Variants in ANKH observed in about 807,000 individuals in gnomAD.
ANKH encodes ANKH inorganic pyrophosphate transport regulator.
In ANKH, 15 loss-of-function variants were observed where a neutral mutation model predicts 49.0. The observed-to-expected ratio is 0.31, with a 90% CI of 0.20 to 0.47. The LOEUF (loss-of-function observed/expected upper bound fraction) is 0.47, where lower values mean the gene tolerates loss of function less well. Among genes scored for constraint, ANKH ranks in the 20% least tolerant of loss-of-function variants. ANKH has a pLI of 1.00. For missense variants in ANKH, 429 were observed against 652.0 expected (o/e 0.66, Z 3.72); for synonymous variants, 273 against 260.0 (o/e 1.05, Z -0.48).
At chr5:14,824,181 C>T (rs1741275794) in intron 1 of ANKH, among the ~76,000 whole-genome samples, 1 of 151,984 alleles carries the variant, frequency 6.6e-6, no homozygotes, top group African/African-American at 2.4e-5. Context: ...AAAAAATAGT[C>T]TCTGATGAAA....
chr5:14,783,604 G>A (rs115329939), intron 1 of ANKH, among the ~76,000 whole-genome samples: 2,065 of 152,240 alleles, frequency 0.014, 42 homozygotes, highest in African/African-American at 0.047. Context: ...CCAAAAATTT[G>A]CAGAGTCAAC....
intron 6 of ANKH, among the ~76,000 whole-genome samples, chr5:14,746,289 CCT>C (rs1491393110): frequency 7.7e-6 from 1 of 129,156 alleles, no homozygotes; most frequent in Non-Finnish European, 1.6e-5. Flanking sequence ...AGCCAAGATT[CCT>C]TTTTTTTTTT....
Position 14,835,294 on chromosome 5 carries a change from C to G in ANKH, c.96+36058G>C, listed in dbSNP as rs76164643. Among the ~76,000 whole-genome samples, 608 of 152,272 alleles carry G rather than the reference C, an allele frequency of 4.0e-3. 3 individuals are homozygous for G. Among genetic ancestry groups the G allele is most frequent in the Non-Finnish European group, 6.9e-3 (472 of 68,016 alleles). On this transcript the variant is annotated intron_variant, in intron 1 of 11. Transcript: ENST00000284268. The stretch of plus-strand genomic sequence containing the variant: ...GCTCAGCGAGATGACTGCTGTCCCT[C>G]TGGTTAGTCACAGGAATAACCTGCC...
chr5:14,748,064 G>T (rs746246985), intron 6 of ANKH, among the ~76,000 whole-genome samples: 1 of 152,062 alleles, frequency 6.6e-6, no homozygotes, highest in Non-Finnish European at 1.5e-5. Context: ...ATTTTCAAAT[G>T]GCTCTAATGT....
At chr5:14,798,540 AGCAAGTCTATTG>A in intron 1 of ANKH, 1 of 661,468 alleles carries the variant, frequency 1.5e-6, no homozygotes, top group Non-Finnish European at 2.5e-6. Context: ...CCCTGTGTCA[AGCAAGTCTATTG>A]GCACCATTTT....
chr5:14,808,516 G>A (rs1054986505), intron 1 of ANKH, among the ~76,000 whole-genome samples: 3 of 152,182 alleles, frequency 2.0e-5, no homozygotes, highest in Non-Finnish European at 2.9e-5. Flanking sequence ...TGTAATCCCA[G>A]CACTTTGGGA....
At position 14,737,281 on chromosome 5, in the gene ANKH, C is replaced by G. The variant is rs1196884432; in HGVS notation, c.1011+4546G>C. On this transcript the variant is annotated intron_variant, in intron 8 of 11. Transcript: ENST00000284268. This position sits in a 1 kb window ranked among gnomAD's most constrained non-coding sequence, Gnocchi z 5.0. ...TACAGCCCATGCCGGTGAGTGGTTT[C>G]TATCTTATCCCCACTTCTAGAGTCC... Among the ~76,000 whole-genome samples, 3 of 152,192 alleles carry G rather than the reference C, an allele frequency of 2.0e-5. No individual in the cohort carries two copies. Among genetic ancestry groups the G allele is most frequent in the Non-Finnish European group, 4.4e-5 (3 of 68,038 alleles).
chr5:14,755,312 G>A (rs1738851630), intron 4 of ANKH, among the ~76,000 whole-genome samples: 1 of 152,250 alleles, frequency 6.6e-6, no homozygotes, highest in Non-Finnish European at 1.5e-5. Context: ...AAAGTGGGAT[G>A]TAGGCCTTCT....
chr5:14,852,342 T>C (rs1199018899), intron 1 of ANKH, among the ~76,000 whole-genome samples: 1 of 152,102 alleles, frequency 6.6e-6, no homozygotes, highest in Admixed American at 6.6e-5. Flanking sequence ...AAACATGATA[T>C]GGAAGCAGCA....
intron 4 of ANKH, among the ~76,000 whole-genome samples, chr5:14,753,749 G>C (rs1210669551): frequency 6.2e-5 from 8 of 128,820 alleles, no homozygotes; most frequent in African/African-American, 3.2e-4. Flanking sequence ...AACAAACCAA[G>C]AGGTTTTTGT....
chr5:14,774,000 C>T (rs1301500789), intron 1 of ANKH, among the ~76,000 whole-genome samples: 13 of 152,138 alleles, frequency 8.5e-5, no homozygotes, highest in Non-Finnish European at 1.9e-4. Context: ...ATTAAATATA[C>T]ACATTATTTG....
chr5:14,871,126 T>A, intron 1 of ANKH: 1 of 658,332 alleles, frequency 1.5e-6, no homozygotes, highest in South Asian at 1.5e-5. Context: ...CACCATCCAG[T>A]CTTTTTAACA....
At chr5:14,849,606 G>A (rs1329893660) in intron 1 of ANKH, among the ~76,000 whole-genome samples, 1 of 152,126 alleles carries the variant, frequency 6.6e-6, no homozygotes, top group Non-Finnish European at 1.5e-5. Context: ...TTTTGGGTTT[G>A]GCCACAGCCC....
At chr5:14,864,740 T>C (rs1434295102) in intron 1 of ANKH, among the ~76,000 whole-genome samples, 1 of 152,234 alleles carries the variant, frequency 6.6e-6, no homozygotes, top group Non-Finnish European at 1.5e-5. Flanking sequence ...AGGTAATACA[T>C]GCAAAAGGAA....
intron 1 of ANKH, among the ~76,000 whole-genome samples, chr5:14,776,788 C>T (rs17251763): frequency 0.26 from 39,245 of 152,134 alleles, 5,440 homozygotes; most frequent in Admixed American, 0.33. Flanking sequence ...TGTTTAAAGG[C>T]GAGTCTCTAA....
intron 2 of ANKH, chr5:14,768,488 G>T (rs899266522): frequency 4.6e-5 from 9 of 195,974 alleles, no homozygotes; most frequent in South Asian, 1.8e-4. Context: ...TTCATGGAAA[G>T]AATGCTATCA....
At chr5:14,795,246 G>A (rs1370748030) in intron 1 of ANKH, among the ~76,000 whole-genome samples, 1 of 152,196 alleles carries the variant, frequency 6.6e-6, no homozygotes, top group African/African-American at 2.4e-5. Context: ...TCAGCAAAAA[G>A]AGAGTGGAAA....
intron 8 of ANKH, among the ~76,000 whole-genome samples, chr5:14,733,805 C>G (rs1738081098): frequency 6.6e-6 from 1 of 152,232 alleles, no homozygotes; most frequent in Non-Finnish European, 1.5e-5. Context: ...CGAGCTGGTG[C>G]TGGGCTCGGA....
chr5:14,732,212 C>G (rs1738026751), intron 8 of ANKH, among the ~76,000 whole-genome samples: 1 of 152,134 alleles, frequency 6.6e-6, no homozygotes, highest in Admixed American at 6.5e-5. Flanking sequence ...TGATGGAGAA[C>G]TGGCATCTCT....
Sources: allele counts gnomAD v4.1 joint callset (sites outside exome capture counted in the v4.1 genomes callset), GRCh38; gene constraint gnomAD v4.1.1; non-coding constraint Gnocchi (gnomAD v3.1); transcripts MANE v1.5; gene names NCBI Gene and HGNC (gene_info 2026-07-23, HGNC 2026-07-21).